Variants in HEATR5B observed in about 807,000 individuals in gnomAD.
HEATR5B encodes HEAT repeat containing 5B.
HEATR5B carries 156 observed loss-of-function variants against 224.1 expected under a neutral mutation model. That is an observed-to-expected ratio of 0.70 (90% confidence interval 0.61 to 0.80). The LOEUF (loss-of-function observed/expected upper bound fraction) is 0.80. Ranked by LOEUF, HEATR5B falls within the 30% of genes least tolerant of loss-of-function variation. HEATR5B has a pLI of 0.00. For missense variants in HEATR5B, 2,323 were observed against 2,535.5 expected (o/e 0.92, Z 1.80); for synonymous variants, 1,027 against 893.0 (o/e 1.15, Z -2.68).
intron 33 of HEATR5B, among the ~76,000 whole-genome samples, chr2:36,998,946 G>A (rs975003199): frequency 3.3e-5 from 5 of 152,114 alleles, no homozygotes; most frequent in African/African-American, 1.2e-4. Context: ...CGAGTGTGGT[G>A]GCTCACACCC....
chr2:37,072,452 A>T (rs1364996073), intron 5 of HEATR5B, among the ~76,000 whole-genome samples, 171 bp from the exon 6 acceptor site: 1 of 152,194 alleles, frequency 6.6e-6, no homozygotes, highest in African/African-American at 2.4e-5. Flanking sequence ...ATCTTTGAGG[A>T]AAAAAACAAG....
intron 35 of HEATR5B, among the ~76,000 whole-genome samples, chr2:36,986,052 T>C (rs1007922781): frequency 3.3e-5 from 5 of 152,168 alleles, no homozygotes; most frequent in South Asian, 2.1e-4. Flanking sequence ...TGTAAAGGAA[T>C]TGATCCCAAG....
chr2:37,010,307 T>C (rs10176270), intron 27 of HEATR5B, among the ~76,000 whole-genome samples: 83,432 of 151,766 alleles, frequency 0.55, 23,117 homozygotes, highest in East Asian at 0.67. Context: ...AGCCTAAGTA[T>C]GGTATCTGTA....
Position 37,079,157 on chromosome 2 carries a change from TTC to T in HEATR5B, c.299_300del (p.Arg100LysfsTer2). ...QTLDKCNDII[R>X]NKDDTAAYLP... ...AAGTAGGCCGCAGTGTCATCTTTAT[TTC>T]TGATAATGTCATTGCATTTATCAAG... On this transcript the variant is annotated frameshift_variant, in exon 3 of 36. Coordinates refer to ENST00000233099, the MANE Select transcript of HEATR5B (RefSeq NM_019024.3). LOFTEE classifies it high-confidence loss of function. 1 of 1,609,284 alleles carries T rather than the reference TTC, an allele frequency of 6.2e-7. No individual in the cohort carries two copies.
intron 17 of HEATR5B, among the ~76,000 whole-genome samples, chr2:37,052,235 G>A (rs953391520): frequency 6.6e-6 from 1 of 152,136 alleles, no homozygotes; most frequent in Non-Finnish European, 1.5e-5. Flanking sequence ...TATGATGCGC[G>A]AATCCTGTGA....
intron 23 of HEATR5B, 130 bp from the exon 24 acceptor site, chr2:37,028,304 C>T: frequency 3.6e-6 from 2 of 551,056 alleles, no homozygotes; most frequent in East Asian, 6.6e-5. Context: ...AACAGTAAAA[C>T]TAGCAGAATT....
chr2:37,064,937 G>A lies in HEATR5B; in HGVS notation c.1387C>T (p.Leu463Phe). 6.2e-7 allele frequency: 1 copy of A among 1,614,084 alleles called. No homozygotes were observed. Among genetic ancestry groups the A allele is most frequent in the South Asian group, 1.1e-5 (1 of 91,082 alleles). The part of the protein sequence containing the change: ...VLLHPSMAAR[L>F]AAAWCLRCVA... ...CAGCGCAAACACCATGCAGCAGCAA[G>A]TCGGGCAGCCATGCTTGGATGAAGC... The change falls in exon 10 of 36, where the codon CTT becomes TTT. Residue 463 changes from leucine (L) to phenylalanine (F), a missense_variant. By Grantham distance (22) the Leu-to-Phe change is conservative. Coordinates refer to ENST00000233099, the MANE Select transcript of HEATR5B (RefSeq NM_019024.3).
chr2:36,993,483 C>A (rs188561714), intron 33 of HEATR5B, among the ~76,000 whole-genome samples: 1 of 149,920 alleles, frequency 6.7e-6, no homozygotes, highest in Non-Finnish European at 1.5e-5. Flanking sequence ...GTGGAGGTTG[C>A]GGTGAGCCAA....
At chr2:36,998,108 G>A (rs566568426) in intron 33 of HEATR5B, among the ~76,000 whole-genome samples, 1 of 152,000 alleles carries the variant, frequency 6.6e-6, no homozygotes, top group Non-Finnish European at 1.5e-5. Context: ...ACTGATTCTT[G>A]GGCCTACTCC....
At position 37,020,757 on chromosome 2, in the gene HEATR5B, T is replaced by C. The variant is rs563366089; in HGVS notation, c.3933A>G (p.Arg1311=). The C allele has an allele frequency of 8.1e-6, 13 of 1,610,838 alleles. No individual in the cohort carries two copies. Among genetic ancestry groups the C allele is most frequent in the Non-Finnish European group, 1.0e-5 (12 of 1,179,430 alleles). The change falls in exon 25 of 36, where the codon CGA becomes CGG. Residue 1311 remains arginine, a synonymous_variant. Transcript: ENST00000233099. ...CTTCAAGCGCCTGGAGCCCAGCCAT[T>C]CGCAGCTGGTTGCTATGATCAGTTG... ...MAATDHSNQL[R]MAGLQALEDI... is the part of the protein sequence containing the mutation.
chr2:37,002,613 A>G (rs1197795252), intron 31 of HEATR5B, 41 bp from the exon 32 acceptor site: 4 of 1,592,044 alleles, frequency 2.5e-6, no homozygotes, highest in Non-Finnish European at 3.4e-6. Context: ...CAGCCAAAAA[A>G]AAGTATGTAA....
intron 18 of HEATR5B, 60 bp from the exon 19 acceptor site, chr2:37,041,352 A>C: frequency 6.8e-7 from 1 of 1,473,004 alleles, no homozygotes; most frequent in Non-Finnish European, 9.4e-7. Context: ...AAACAACAAC[A>C]TTATAAGTCA....
chr2:36,982,822 A>G (rs543193849), intron 35 of HEATR5B, among the ~76,000 whole-genome samples: 1 of 150,874 alleles, frequency 6.6e-6, no homozygotes, highest in East Asian at 1.9e-4. Flanking sequence ...TCACTATATA[A>G]AATTGCACAA....
intron 26 of HEATR5B, among the ~76,000 whole-genome samples, chr2:37,016,198 C>T (rs1454701385): frequency 6.6e-6 from 1 of 151,430 alleles, no homozygotes; most frequent in Non-Finnish European, 1.5e-5. Flanking sequence ...CTGCAACCTC[C>T]GCCTCCCAGG....
At position 37,011,137 on chromosome 2, in the gene HEATR5B, A is replaced by G. The variant is rs1341292775; in HGVS notation, c.4285-2289T>C. Among the ~76,000 whole-genome samples, 4 of 152,332 alleles carry G rather than the reference A, an allele frequency of 2.6e-5. No individual in the cohort carries two copies. The East Asian group carries it at 7.7e-4, about 29-fold the overall frequency. ...TAATGAACACTCGGCAGTTTATGCAATGAGTGAATGAATCTCAGGGAACAT... is the reference window on the plus strand; with the variant it reads ...TAATGAACACTCGGCAGTTTATGCAGTGAGTGAATGAATCTCAGGGAACAT... On this transcript the variant is annotated intron_variant, in intron 27 of 35. Transcript: ENST00000233099.
chr2:37,031,446 T>TTTG (rs1669128484), intron 22 of HEATR5B, among the ~76,000 whole-genome samples: 2 of 150,442 alleles, frequency 1.3e-5, no homozygotes, highest in Non-Finnish European at 3.0e-5. Flanking sequence ...TTTTTTTTTT[T>TTTG]TTTTTAAAGA....
chr2:37,064,622 T>C, intron 10 of HEATR5B, 118 bp downstream of exon 10: 1 of 955,896 alleles, frequency 1.0e-6, no homozygotes, highest in Non-Finnish European at 1.6e-6. Flanking sequence ...CACTATGTTT[T>C]ATGATAACAT....
Position 37,070,358 on chromosome 2 carries a change from A to C in HEATR5B, c.799T>G (p.Phe267Val), listed in dbSNP as rs759219441. The change falls in exon 7 of 36, where the codon TTT becomes GTT. Residue 267 changes from phenylalanine (F) to valine (V), a missense_variant. Physicochemically the swap from Phe to Val is conservative, Grantham distance 50. Transcript: ENST00000233099. The part of the protein sequence containing the change: ...VMRQNVKRAT[F>V]DEVLELMATG... ...GCCATGAGTTCTAAGACTTCATCAA[A>C]TGTTGCTCGCTTCACATTCTGACGC... The C allele has an allele frequency of 1.9e-6, 3 of 1,614,066 alleles. No individual in the cohort carries two copies. The highest frequency in any genetic ancestry group is 2.5e-6 in the Non-Finnish European group (3 of 1,179,944).
chr2:36,997,642 C>G, intron 33 of HEATR5B, among the ~76,000 whole-genome samples: 1 of 149,042 alleles, frequency 6.7e-6, no homozygotes, highest in Middle Eastern at 3.4e-3. Flanking sequence ...TCTCGGCTCA[C>G]TGCAACCTCT....
Sources: allele counts gnomAD v4.1 joint callset (sites outside exome capture counted in the v4.1 genomes callset), GRCh38; gene constraint gnomAD v4.1.1; transcripts MANE v1.5; gene names NCBI Gene and HGNC (gene_info 2026-07-23, HGNC 2026-07-21).